The following CNTN4 variants were observed in gnomAD, a reference collection of about 807,000 sequenced individuals.
The protein encoded by CNTN4 is contactin 4, also known as contactin-4.
CNTN4 carries 77 observed loss-of-function variants against 122.5 expected under a neutral mutation model. The observed-to-expected ratio is 0.63, with a 90% CI of 0.52 to 0.76. CNTN4 has a LOEUF of 0.76. Among genes scored for constraint, CNTN4 ranks in the 30% least tolerant of loss-of-function variants. CNTN4 has a pLI of 0.00. For missense variants in CNTN4, 1,256 were observed against 1,259.1 expected, an observed-to-expected ratio of 1.00 and a Z score of 0.04; for synonymous variants, 512 against 447.0, an observed-to-expected ratio of 1.15 and a Z score of -1.83.
intron 3 of CNTN4, among the ~76,000 whole-genome samples, chr3:2,477,323 A>G (rs914992422): frequency 2.6e-5 from 4 of 152,178 alleles, no homozygotes; most frequent in African/African-American, 9.6e-5. Flanking sequence ...ACTTAGTTGG[A>G]CATTCCATGT....
intron 6 of CNTN4, among the ~76,000 whole-genome samples, chr3:2,766,353 CAGTT>C (rs1340162902): frequency 6.6e-6 from 1 of 152,174 alleles, no homozygotes; most frequent in Non-Finnish European, 1.5e-5. Flanking sequence ...AAATGACCAT[CAGTT>C]AGTGAGTGGA....
chr3:2,295,622 A>G (rs902843236), intron 2 of CNTN4, among the ~76,000 whole-genome samples: 7 of 151,922 alleles, frequency 4.6e-5, no homozygotes, highest in Non-Finnish European at 8.8e-5. Flanking sequence ...CTCCCATTCT[A>G]TAGGTTGCCT....
intron 3 of CNTN4, among the ~76,000 whole-genome samples, chr3:2,402,536 C>G (rs1298734916): frequency 6.6e-6 from 1 of 152,038 alleles, no homozygotes; most frequent in Non-Finnish European, 1.5e-5. Context: ...TTTCCTGTCC[C>G]TCCATTTATC....
intron 12 of CNTN4, among the ~76,000 whole-genome samples, chr3:2,908,963 C>T (rs2094268504): frequency 6.6e-6 from 1 of 152,130 alleles, no homozygotes; most frequent in South Asian, 2.1e-4. Flanking sequence ...TAACTGATGG[C>T]CCAATTAAAG....
chr3:2,135,541 A>G (rs1417705549), intron 2 of CNTN4, among the ~76,000 whole-genome samples: 1 of 152,168 alleles, frequency 6.6e-6, no homozygotes, highest in Non-Finnish European at 1.5e-5. Flanking sequence ...TGTTTTTACC[A>G]GGAAGAAGCA....
chr3:2,192,188 A>G (rs547480718), intron 2 of CNTN4, among the ~76,000 whole-genome samples: 1 of 152,292 alleles, frequency 6.6e-6, no homozygotes, highest in African/African-American at 2.4e-5. Flanking sequence ...CACAGTAAAC[A>G]TACGTGTGCA....
chr3:2,808,166 T>A (rs2092514679), intron 6 of CNTN4, among the ~76,000 whole-genome samples: 1 of 152,170 alleles, frequency 6.6e-6, no homozygotes, highest in Non-Finnish European at 1.5e-5. Context: ...CATGACCAAT[T>A]GTATGGCTCG....
At chr3:2,535,342 A>G (rs1241695739) in intron 3 of CNTN4, among the ~76,000 whole-genome samples, 1 of 152,098 alleles carries the variant, frequency 6.6e-6, no homozygotes, top group East Asian at 1.9e-4. Context: ...CCAAATATGT[A>G]TCTCTTACTG....
chr3:2,726,947 C>T (rs908486), intron 4 of CNTN4, among the ~76,000 whole-genome samples: 65,524 of 151,996 alleles, frequency 0.43, 16,459 homozygotes, highest in Non-Finnish European at 0.57. Flanking sequence ...ACTCTCTGTG[C>T]TCTGCTCCAT....
At chr3:2,668,577 C>T (rs1216082943) in intron 4 of CNTN4, among the ~76,000 whole-genome samples, 1 of 152,082 alleles carries the variant, frequency 6.6e-6, no homozygotes, top group Non-Finnish European at 1.5e-5. Context: ...AATTGAATAC[C>T]CTTTATTTCC....
At chr3:2,169,446 A>AC (rs1193883336) in intron 2 of CNTN4, among the ~76,000 whole-genome samples, 4 of 151,902 alleles carry the variant, frequency 2.6e-5, no homozygotes, top group Non-Finnish European at 4.4e-5. Flanking sequence ...TGGCTCTGTC[A>AC]CTCAGGCTGG....
chr3:2,100,435 C>T (rs2031827745), intron 1 of CNTN4, 123 bp from the exon 2 acceptor site: 2 of 151,944 alleles, frequency 1.3e-5, no homozygotes, highest in South Asian at 4.2e-4. Flanking sequence ...TGGTTTATGT[C>T]CTTTAGAGAG....
intron 17 of CNTN4, among the ~76,000 whole-genome samples, chr3:3,036,258 C>T (rs1699595075): frequency 6.6e-6 from 1 of 152,108 alleles, no homozygotes; most frequent in Non-Finnish European, 1.5e-5. Context: ...GATTTTAACC[C>T]ATTTGTTTTT....
chr3:2,659,048 T>C (rs1203456270), intron 4 of CNTN4, among the ~76,000 whole-genome samples: 2 of 151,682 alleles, frequency 1.3e-5, no homozygotes, highest in Non-Finnish European at 2.9e-5. Flanking sequence ...GAATTGTATT[T>C]GGTTTAAAAA....
chr3:2,469,170 C>T lies in CNTN4; in HGVS notation c.-88-102246C>T, dbSNP rs545933649. On this transcript the variant is annotated intron_variant, in intron 3 of 24. Coordinates refer to ENST00000418658, the MANE Select transcript of CNTN4 (RefSeq NM_175607.3). ...AAACCAAGATGAATTGACTAAGTTT[C>T]GCTCTTTACTAGATTGAGAAATACG... Among the ~76,000 whole-genome samples the T allele has an allele frequency of 6.6e-5, 10 of 152,262 alleles. No homozygotes were observed. The South Asian group carries it at 1.2e-3, about 19-fold the overall frequency.
At chr3:2,808,164 A>G (rs1375842768) in intron 6 of CNTN4, among the ~76,000 whole-genome samples, 1 of 152,156 alleles carries the variant, frequency 6.6e-6, no homozygotes, top group African/African-American at 2.4e-5. Context: ...TTCATGACCA[A>G]TTGTATGGCT....
At chr3:2,389,554 T>C (rs2046371701) in intron 3 of CNTN4, among the ~76,000 whole-genome samples, 1 of 152,246 alleles carries the variant, frequency 6.6e-6, no homozygotes, top group South Asian at 2.1e-4. Context: ...TTGTTCTTTC[T>C]GTTCCTCCTT....
intron 3 of CNTN4, among the ~76,000 whole-genome samples, chr3:2,358,585 T>C (rs1156809907): frequency 1.3e-5 from 2 of 151,994 alleles, no homozygotes; most frequent in Non-Finnish European, 2.9e-5. Context: ...CCAGAACCAA[T>C]TAAAAATGAT....
intron 10 of CNTN4, among the ~76,000 whole-genome samples, chr3:2,887,969 A>C (rs962090910): frequency 6.6e-6 from 1 of 152,238 alleles, no homozygotes; most frequent in African/African-American, 2.4e-5. Flanking sequence ...TGTCTGGGAT[A>C]CAGAAAACAA....
Sources: gnomAD v4.1 joint callset for allele counts (sites outside exome capture counted in the v4.1 genomes callset) on GRCh38, gnomAD v4.1.1 for gene constraint, MANE v1.5 for transcripts, NCBI Gene and HGNC (gene_info 2026-07-23, HGNC 2026-07-21) for gene names.